The following TENM3 variants were observed in gnomAD, a reference collection of about 807,000 sequenced individuals.
The protein encoded by TENM3 is teneurin-3.
A neutral mutation model predicts 255.1 loss-of-function variants in TENM3; 63 were observed. The observed-to-expected ratio is 0.25, with a 90% CI of 0.20 to 0.30. TENM3 has a LOEUF of 0.30. Among genes scored for constraint, TENM3 ranks in the 10% least tolerant of loss-of-function variants. The pLI, the probability that TENM3 is intolerant of heterozygous loss-of-function variation, is 1.00. For synonymous variants in TENM3, 1,306 were observed against 1,322.3 expected (o/e 0.99, Z 0.27); for missense variants, 2,929 against 3,461.1 (o/e 0.85, Z 3.86).
At position 182,793,987 on chromosome 4, in the gene TENM3, C is replaced by T; in HGVS notation, c.7213+102C>T. Reference sequence around the variant, plus strand: ...TTTTTAAAAAACTTTATACTTTACTCAGGCAAAGGCAAATGGCTAACCTTT... The same window carrying T: ...TTTTTAAAAAACTTTATACTTTACTTAGGCAAAGGCAAATGGCTAACCTTT... On this transcript the variant is annotated intron_variant, in intron 26 of 27. Transcript: ENST00000511685. The surrounding 1 kb of genome is among the most constrained non-coding windows in gnomAD (Gnocchi z 5.7). 3 of 1,029,170 alleles carry T rather than the reference C, an allele frequency of 2.9e-6. No individual in the cohort carries two copies. Among genetic ancestry groups the T allele is most frequent in the South Asian group, 3.6e-5 (2 of 56,164 alleles). The allele number at this position is 1,029,170 out of a possible 1,614,324, so 63.8% of individuals were successfully genotyped here.
intron 24 of TENM3, among the ~76,000 whole-genome samples, chr4:182,785,499 G>A (rs574791405): frequency 3.8e-4 from 58 of 151,714 alleles, no homozygotes; most frequent in Admixed American, 5.2e-4. Flanking sequence ...CCTAAGCCCA[G>A]GAGTTTGAGA....
intron 3 of TENM3, among the ~76,000 whole-genome samples, chr4:182,374,080 A>G (rs1767021126): frequency 6.6e-6 from 1 of 152,142 alleles, no homozygotes; most frequent in African/African-American, 2.4e-5. Flanking sequence ...AACGGGAGCT[A>G]CAGTCACGTG....
At chr4:182,100,810 CATATATATACACAT>C in the TENM3 span, among the ~76,000 whole-genome samples, 2 of 6,342 alleles carry the variant, frequency 3.2e-4, no homozygotes, top group African/African-American at 5.9e-4. Flanking sequence ...TATATATACA[CATATATATACACAT>C]ATATATATAT....
chr4:182,551,545 G>A (rs1217382986), intron 3 of TENM3, among the ~76,000 whole-genome samples: 1 of 151,082 alleles, frequency 6.6e-6, no homozygotes, highest in Non-Finnish European at 1.5e-5. Flanking sequence ...ATTATAAATT[G>A]TACAAAAGAG....
At chr4:181,811,080 A>T in the TENM3 span, among the ~76,000 whole-genome samples, 1 of 152,202 alleles carries the variant, frequency 6.6e-6, no homozygotes, top group South Asian at 2.1e-4. Context: ...AATTTGGAGT[A>T]GGTTGAATTA....
chr4:182,179,464 A>G (rs1467994730), intron 1 of TENM3, among the ~76,000 whole-genome samples: 3 of 152,236 alleles, frequency 2.0e-5, no homozygotes, highest in Admixed American at 6.5e-5. Flanking sequence ...TCTCGATTCA[A>G]CTGCTATATC....
At chr4:181,557,215 T>C in the TENM3 span, among the ~76,000 whole-genome samples, 1 of 152,050 alleles carries the variant, frequency 6.6e-6, no homozygotes, top group African/African-American at 2.4e-5. Context: ...GAGTTACTCT[T>C]TGAATCATTA....
chr4:182,409,971 A>C (rs1455060821), intron 3 of TENM3, among the ~76,000 whole-genome samples: 1 of 151,858 alleles, frequency 6.6e-6, no homozygotes, highest in Non-Finnish European at 1.5e-5. Context: ...CTGGCTGCAG[A>C]GTAGCCATCA....
the TENM3 span, among the ~76,000 whole-genome samples, chr4:182,030,764 T>C: frequency 1.3e-5 from 2 of 152,208 alleles, no homozygotes; most frequent in Non-Finnish European, 2.9e-5. Context: ...GGTGAGATGC[T>C]ATCTCATTGT....
At chr4:182,543,659 A>G (rs1028276120) in intron 3 of TENM3, among the ~76,000 whole-genome samples, 1 of 151,444 alleles carries the variant, frequency 6.6e-6, no homozygotes, top group East Asian at 1.9e-4. Flanking sequence ...GAGATAGAAC[A>G]TATTTTCATA....
the TENM3 span, among the ~76,000 whole-genome samples, chr4:181,605,542 GAAAGAAAGAA>G: frequency 3.9e-5 from 1 of 25,782 alleles, no homozygotes; most frequent in African/African-American, 8.7e-5. Context: ...AAGAAAGAAA[GAAAGAAAGAA>G]AGAAAGAAAG....
intron 3 of TENM3, among the ~76,000 whole-genome samples, chr4:182,507,009 C>G (rs895296702): frequency 6.6e-6 from 1 of 152,130 alleles, no homozygotes; most frequent in Non-Finnish European, 1.5e-5. Flanking sequence ...ATCCGTGAAG[C>G]CTCTTTTGAA....
intron 12 of TENM3, among the ~76,000 whole-genome samples, chr4:182,702,481 A>T (rs1424959854): frequency 6.6e-6 from 1 of 152,114 alleles, no homozygotes; most frequent in African/African-American, 2.4e-5. Flanking sequence ...CTCCCTCATG[A>T]GTTTGTCCTT....
chr4:181,630,368 T>G, the TENM3 span, among the ~76,000 whole-genome samples: 1 of 152,210 alleles, frequency 6.6e-6, no homozygotes, highest in Non-Finnish European at 1.5e-5. Context: ...AGTTATTTAT[T>G]GCCTTCCGCT....
Position 182,409,909 on chromosome 4 carries a change from G to A in TENM3, c.511+62980G>A, listed in dbSNP as rs569420299. Among the ~76,000 whole-genome samples, 4 of 150,974 alleles carry A rather than the reference G, an allele frequency of 2.6e-5. No homozygotes were observed. The East Asian group carries it at 5.9e-4, about 22-fold the overall frequency. ...TGTGATCATGGCTCACTGCAGCCTC[G>A]TCTTTCTGGGCTCAGGTGATCCTCC... On this transcript the variant is annotated intron_variant, in intron 3 of 27. Coordinates refer to ENST00000511685, the MANE Select transcript of TENM3 (RefSeq NM_001080477.4).
At chr4:181,864,554 T>C in the TENM3 span, among the ~76,000 whole-genome samples, 4 of 152,124 alleles carry the variant, frequency 2.6e-5, no homozygotes, top group African/African-American at 9.7e-5. Context: ...ATAATCAGAA[T>C]CCAGTTAGAC....
chr4:182,498,549 A>G lies in TENM3; in HGVS notation c.512-102375A>G, dbSNP rs565895610. Among the ~76,000 whole-genome samples, 3 of 151,848 alleles carry G rather than the reference A, an allele frequency of 2.0e-5. No individual in the cohort carries two copies. In the South Asian group the frequency reaches 6.2e-4, roughly 32 times the overall value. ...GGCTTCCTATGTACCCTCAGATTCT[A>G]TTAAAATTTTTCTCAGGATCTTGGC... On this transcript the variant is annotated intron_variant, in intron 3 of 27. Transcript: ENST00000511685.
At chr4:182,017,825 G>A in the TENM3 span, among the ~76,000 whole-genome samples, 1 of 152,172 alleles carries the variant, frequency 6.6e-6, no homozygotes, top group South Asian at 2.1e-4. Flanking sequence ...AACACATTCA[G>A]AGAGATTAAC....
chr4:182,193,430 C>A (rs1280060341), intron 1 of TENM3, among the ~76,000 whole-genome samples: 1 of 152,184 alleles, frequency 6.6e-6, no homozygotes, highest in Non-Finnish European at 1.5e-5. Context: ...CTCTCTAATT[C>A]TTTCCAGTCT....
Sources: allele counts gnomAD v4.1 joint callset (sites outside exome capture counted in the v4.1 genomes callset), GRCh38; gene constraint gnomAD v4.1.1; non-coding constraint Gnocchi (gnomAD v3.1); transcripts MANE v1.5; gene names NCBI Gene and HGNC (gene_info 2026-07-23, HGNC 2026-07-21).